Variants in NSD1 observed in about 807,000 individuals in gnomAD.
NSD1 encodes the protein histone-lysine N-methyltransferase, H3 lysine-36 specific.
NSD1 carries 26 observed loss-of-function variants against 242.7 expected under a neutral mutation model. That is an observed-to-expected ratio of 0.11 (90% CI 0.08 to 0.15). The LOEUF (loss-of-function observed/expected upper bound fraction) is 0.15. Ranked by LOEUF, NSD1 falls within the 10% of genes least tolerant of loss-of-function variation. The pLI, the probability that NSD1 is intolerant of heterozygous loss-of-function variation, is 1.00. For missense variants in NSD1, 2,495 were observed against 3,272.8 expected (o/e 0.76, Z 5.80); for synonymous variants, 1,106 against 1,178.1 (o/e 0.94, Z 1.25).
intron 13 of NSD1, among the ~76,000 whole-genome samples, chr5:177,257,530 C>T (rs1008128969): frequency 2.6e-5 from 4 of 152,074 alleles, no homozygotes; most frequent in Admixed American, 6.5e-5. Flanking sequence ...TGCGCCCGGC[C>T]GGCAACAGAT....
Position 177,248,328 on chromosome 5 carries a change from G to A in NSD1, c.4641+4G>A. On this transcript the variant is annotated splice_donor_region_variant and intron_variant, in intron 11 of 22. Transcript: ENST00000439151. ...ACTCAAGGAGAATGTCTGTCAGGTA[G>A]AGAAATGTTTGCCCACTTGTGTTTT... 2 of 1,613,226 alleles carry A rather than the reference G, an allele frequency of 1.2e-6. No homozygotes were observed. The highest frequency in any genetic ancestry group is 1.7e-6 in the Non-Finnish European group (2 of 1,179,612).
chr5:177,240,671 C>T (rs916603464), intron 8 of NSD1, among the ~76,000 whole-genome samples: 13 of 152,064 alleles, frequency 8.5e-5, no homozygotes, highest in Non-Finnish European at 1.9e-4. Flanking sequence ...CGAGATGGCG[C>T]CACTGCACTC....
At chr5:177,169,992 C>T (rs1363267578) in intron 2 of NSD1, among the ~76,000 whole-genome samples, 6 of 151,984 alleles carry the variant, frequency 3.9e-5, no homozygotes, top group Admixed American at 6.6e-5. Flanking sequence ...TTTTTTGAGA[C>T]GGGGTCTTGC....
intron 2 of NSD1, among the ~76,000 whole-genome samples, chr5:177,164,669 C>T (rs948411012): frequency 1.3e-5 from 2 of 151,930 alleles, no homozygotes; most frequent in African/African-American, 4.8e-5. Flanking sequence ...CGGCCAGGCA[C>T]GGTGGCTCAC....
intron 2 of NSD1, among the ~76,000 whole-genome samples, chr5:177,164,560 T>C (rs1053573851): frequency 6.6e-6 from 1 of 152,198 alleles, no homozygotes; most frequent in South Asian, 2.1e-4. Flanking sequence ...TATGAAGTAA[T>C]AAAATGTTCT....
At chr5:177,182,099 T>C (rs1760738813) in intron 2 of NSD1, among the ~76,000 whole-genome samples, 1 of 147,102 alleles carries the variant, frequency 6.8e-6, no homozygotes, top group Non-Finnish European at 1.5e-5. Flanking sequence ...TTGCAGTGAG[T>C]GGAGATCGCG....
intron 2 of NSD1, among the ~76,000 whole-genome samples, chr5:177,161,749 C>G (rs1260368348): frequency 1.4e-5 from 2 of 147,536 alleles, no homozygotes; most frequent in Non-Finnish European, 3.0e-5. Flanking sequence ...ATGATCTTGG[C>G]ACACTTGCAA....
At chr5:177,137,116 G>T (rs1484731129) in intron 2 of NSD1, 2 of 402,266 alleles carry the variant, frequency 5.0e-6, no homozygotes, top group Admixed American at 4.3e-5. Context: ...AGCTTATGAA[G>T]AATTTCTTGA....
chr5:177,261,035 T>A (rs1756955097), intron 14 of NSD1, among the ~76,000 whole-genome samples: 3 of 152,122 alleles, frequency 2.0e-5, no homozygotes, highest in Admixed American at 2.0e-4. Context: ...TCTTAAGAGA[T>A]CACGTAGAGG....
chr5:177,222,390 G>A (rs534329548), intron 5 of NSD1, among the ~76,000 whole-genome samples: 5 of 152,240 alleles, frequency 3.3e-5, no homozygotes, highest in Admixed American at 2.6e-4. Context: ...TGGGTCATTT[G>A]GTTATTCTAT....
intron 3 of NSD1, among the ~76,000 whole-genome samples, chr5:177,192,553 C>T (rs142434135): frequency 0.018 from 2,780 of 152,242 alleles, 33 homozygotes; most frequent in Non-Finnish European, 0.028. Flanking sequence ...TGTGCCACTA[C>T]GCCCAGCTAA....
intron 2 of NSD1, among the ~76,000 whole-genome samples, chr5:177,170,033 G>A (rs1214569509): frequency 6.6e-6 from 1 of 151,980 alleles, no homozygotes; most frequent in African/African-American, 2.4e-5. Flanking sequence ...GCAGTGGCGC[G>A]ATCTCTGCTC....
intron 2 of NSD1, among the ~76,000 whole-genome samples, chr5:177,147,975 T>C (rs1470899643): frequency 6.6e-6 from 1 of 152,148 alleles, no homozygotes; most frequent in Admixed American, 6.6e-5. Flanking sequence ...TTGAAGGACA[T>C]CTGGGGCAAT....
chr5:177,205,236 A>G (rs2149837444), intron 4 of NSD1, among the ~76,000 whole-genome samples: 1 of 152,230 alleles, frequency 6.6e-6, no homozygotes, highest in South Asian at 2.1e-4. Context: ...AGGTTTTGCC[A>G]TATTGGCCAG....
intron 2 of NSD1, among the ~76,000 whole-genome samples, chr5:177,175,017 ACC>A (rs1760071487): frequency 6.7e-6 from 1 of 149,054 alleles, no homozygotes; most frequent in Admixed American, 6.7e-5. Context: ...GACTACAGGC[ACC>A]CGCCACCACG....
At chr5:177,268,237 T>G (rs1757667862) in intron 15 of NSD1, among the ~76,000 whole-genome samples, 1 of 149,040 alleles carries the variant, frequency 6.7e-6, no homozygotes, top group Non-Finnish European at 1.5e-5. Flanking sequence ...GCCTCCTGAG[T>G]AGCTGAGACT....
chr5:177,188,189 G>A (rs956047402), intron 2 of NSD1, among the ~76,000 whole-genome samples: 6 of 152,096 alleles, frequency 3.9e-5, no homozygotes, highest in Admixed American at 1.3e-4. Flanking sequence ...GGGCTTAAAT[G>A]GATTTATTTT....
chr5:177,182,053 G>T (rs1760734715), intron 2 of NSD1, among the ~76,000 whole-genome samples: 1 of 151,922 alleles, frequency 6.6e-6, no homozygotes, highest in African/African-American at 2.4e-5. Context: ...TCGGGAGGCC[G>T]AGGTAGGAGA....
At position 177,294,560 on chromosome 5, in the gene NSD1, C is replaced by T. The variant is rs1226363003; in HGVS notation, c.7192C>T (p.Pro2398Ser). The T allele has an allele frequency of 6.2e-7, 1 of 1,614,224 alleles. No individual in the cohort carries two copies. Among genetic ancestry groups the T allele is most frequent in the African/African-American group, 1.3e-5 (1 of 75,052 alleles). The change falls in exon 23 of 23, where the codon CCC (proline) becomes TCC (serine). Residue 2398 changes from proline to serine, a missense_variant. Transcript: ENST00000439151. ...PPDRLLITSS[P>S]KPQTSDRPTD... ...AGACAGACTGCTCATTACTAGCAGT[C>T]CCAAACCCCAGACTTCAGACAGGCC...
Sources: gnomAD v4.1 joint callset for allele counts (sites outside exome capture counted in the v4.1 genomes callset) on GRCh38, gnomAD v4.1.1 for gene constraint, MANE v1.5 for transcripts, NCBI Gene and HGNC (gene_info 2026-07-23, HGNC 2026-07-21) for gene names.